The following LAMA2 variants were observed in gnomAD, a reference collection of about 807,000 sequenced individuals.
LAMA2 encodes laminin subunit alpha-2.
LAMA2 carries 269 observed loss-of-function variants against 364.8 expected under a neutral mutation model. That is an observed-to-expected ratio of 0.74 (90% CI 0.67 to 0.82). The LOEUF (loss-of-function observed/expected upper bound fraction) is 0.82. Among genes scored for constraint, LAMA2 ranks in the 40% least tolerant of loss-of-function variants. The probability of loss-of-function intolerance (pLI) is 0.00; values close to 1 mark genes in which losing one functional copy is unlikely to be tolerated. For missense variants in LAMA2, 3,807 were observed against 3,873.2 expected (o/e 0.98, Z 0.45); for synonymous variants, 1,379 against 1,370.6 (o/e 1.01, Z -0.14).
chr6:129,208,692 AAAGG>A (rs1194776514), intron 12 of LAMA2, among the ~76,000 whole-genome samples: 6 of 135,328 alleles, frequency 4.4e-5, no homozygotes, highest in East Asian at 2.2e-4. Flanking sequence ...AAAGAAAGAA[AAAGG>A]AAGGAAGGAA....
intron 4 of LAMA2, among the ~76,000 whole-genome samples, chr6:129,129,840 C>T (rs1777352024): frequency 6.9e-6 from 1 of 145,656 alleles, no homozygotes; most frequent in South Asian, 2.2e-4. Flanking sequence ...AGGAGAATGG[C>T]GTGAACCCGG....
At chr6:128,929,945 T>C in intron 1 of LAMA2, 5 of 732,548 alleles carry the variant, frequency 6.8e-6, no homozygotes, top group South Asian at 6.6e-5. Flanking sequence ...CAGCCCCACC[T>C]GGACCCACCA....
intron 14 of LAMA2, among the ~76,000 whole-genome samples, chr6:129,256,444 C>A (rs1484281094): frequency 6.6e-6 from 1 of 151,822 alleles, no homozygotes; most frequent in Non-Finnish European, 1.5e-5. Flanking sequence ...CAAAGGTGGA[C>A]AAATGATCAT....
intron 58 of LAMA2, among the ~76,000 whole-genome samples, chr6:129,501,414 T>C (rs950551806): frequency 3.9e-5 from 6 of 152,232 alleles, no homozygotes; most frequent in Non-Finnish European, 5.9e-5. Flanking sequence ...AATACTTCCA[T>C]GAAGACCAAT....
intron 34 of LAMA2, among the ~76,000 whole-genome samples, chr6:129,379,323 G>GTT (rs544494265): frequency 6.9e-6 from 1 of 144,874 alleles, no homozygotes; most frequent in African/African-American, 2.5e-5. Flanking sequence ...TTATGCATGG[G>GTT]TTTTTTTTTT....
At chr6:129,481,112 C>T in intron 54 of LAMA2, 151 bp from the exon 55 acceptor site, 1 of 662,510 alleles carries the variant, frequency 1.5e-6, no homozygotes, top group Non-Finnish European at 2.7e-6. Context: ...ATTTCTTCAA[C>T]TGCTCTTAAA....
chr6:129,301,814 T>C (rs1350538630), intron 22 of LAMA2, among the ~76,000 whole-genome samples: 1 of 152,130 alleles, frequency 6.6e-6, no homozygotes. Flanking sequence ...TCACCCCCCA[T>C]GTGCCTACTG....
At chr6:129,155,494 C>T (rs76829949) in intron 8 of LAMA2, among the ~76,000 whole-genome samples, 1 of 151,964 alleles carries the variant, frequency 6.6e-6, no homozygotes, top group Non-Finnish European at 1.5e-5. Context: ...TTGACCATTC[C>T]TGTATCTTCT....
Position 129,278,118 on chromosome 6 carries a change from C to A in LAMA2, c.2451-1943C>A, listed in dbSNP as rs1004137866. On this transcript the variant is annotated intron_variant, in intron 17 of 64. Coordinates refer to ENST00000421865, the MANE Select transcript of LAMA2 (RefSeq NM_000426.4). ...TCAGGAGGCTGAGACACTAGAATCG[C>A]TTGAACCCAGTAGGCAGGGGTTTCA... 2.6e-5 allele frequency among the ~76,000 whole-genome samples: 4 copies of A among 152,172 alleles called. No homozygotes were observed. In the East Asian group the frequency reaches 7.7e-4, roughly 29 times the overall value.
chr6:129,366,186 A>G, intron 32 of LAMA2, 33 bp from the exon 33 acceptor site: 1 of 1,612,540 alleles, frequency 6.2e-7, no homozygotes. Context: ...TGTTTAGCAG[A>G]AGTAACTACT....
intron 9 of LAMA2, among the ~76,000 whole-genome samples, chr6:129,175,196 T>A (rs904974694): frequency 6.6e-6 from 1 of 152,188 alleles, no homozygotes; most frequent in Non-Finnish European, 1.5e-5. Context: ...TTAATGTACT[T>A]TAGGATTCAG....
intron 9 of LAMA2, among the ~76,000 whole-genome samples, chr6:129,166,335 G>C (rs779845512): frequency 3.9e-5 from 6 of 152,136 alleles, no homozygotes; most frequent in Non-Finnish European, 4.4e-5. Flanking sequence ...AGTTTAAGTA[G>C]GAAATTCATA....
chr6:128,978,245 A>G (rs1020024048), intron 1 of LAMA2, among the ~76,000 whole-genome samples: 5 of 152,150 alleles, frequency 3.3e-5, no homozygotes, highest in Non-Finnish European at 2.9e-5. Flanking sequence ...GAAACTTCCA[A>G]TATTAAGGCT....
intron 1 of LAMA2, among the ~76,000 whole-genome samples, chr6:129,005,984 CTG>C (rs1267620657): frequency 1.3e-5 from 2 of 151,688 alleles, no homozygotes; most frequent in African/African-American, 4.8e-5. Flanking sequence ...CTGTTTGAGA[CTG>C]TGTTTTTAAC....
chr6:129,251,039 T>TG (rs1491557404), intron 13 of LAMA2, among the ~76,000 whole-genome samples: 3 of 110,912 alleles, frequency 2.7e-5, no homozygotes, highest in African/African-American at 7.1e-5. Flanking sequence ...TGTCTCTCTC[T>TG]TTCTCTCTCT....
intron 1 of LAMA2, among the ~76,000 whole-genome samples, chr6:128,896,244 T>C (rs1776764420): frequency 6.6e-6 from 1 of 152,052 alleles, no homozygotes. Context: ...TCTAGTATAA[T>C]TTATCTTTAA....
chr6:128,998,304 A>T (rs989808642), intron 1 of LAMA2, among the ~76,000 whole-genome samples: 13 of 152,232 alleles, frequency 8.5e-5, no homozygotes, highest in African/African-American at 3.1e-4. Context: ...AGCATCAAAG[A>T]GGAGCAAAGT....
intron 40 of LAMA2, among the ~76,000 whole-genome samples, chr6:129,415,377 A>G (rs549662696): frequency 3.9e-3 from 587 of 152,248 alleles, no homozygotes; most frequent in Non-Finnish European, 5.7e-3. Context: ...CCATAAAATA[A>G]CTTGCAGTGA....
chr6:129,164,158 T>C (rs550703218), intron 8 of LAMA2, among the ~76,000 whole-genome samples: 8 of 152,134 alleles, frequency 5.3e-5, no homozygotes, highest in Non-Finnish European at 1.0e-4. Flanking sequence ...ACCAAACCTA[T>C]ATATACTATG....
Sources: allele counts gnomAD v4.1 joint callset (sites outside exome capture counted in the v4.1 genomes callset), GRCh38; gene constraint gnomAD v4.1.1; transcripts MANE v1.5; gene names NCBI Gene and HGNC (gene_info 2026-07-23, HGNC 2026-07-21).